Variants in ROR2 observed in about 807,000 individuals in gnomAD.
ROR2 encodes the protein ROR family WNT receptor 2, also known as tyrosine-protein kinase transmembrane receptor ROR2.
In ROR2, 33 loss-of-function variants were observed where a neutral mutation model predicts 74.9. The ratio of observed to expected loss-of-function variants is 0.44; its 90% confidence interval spans 0.33 to 0.59. The LOEUF is 0.59. ROR2 is among the 20% of genes least tolerant of loss of function. The pLI, the probability that ROR2 is intolerant of heterozygous loss-of-function variation, is 0.02. For synonymous variants in ROR2, 586 were observed against 558.7 expected, an observed-to-expected ratio of 1.05 and a Z score of -0.69; for missense variants, 1,216 against 1,313.8, an observed-to-expected ratio of 0.93 and a Z score of 1.15.
intron 1 of ROR2, 60 bp downstream of exon 1, chr9:91,949,806 AG>A: frequency 9.3e-7 from 1 of 1,072,518 alleles, no homozygotes; most frequent in Non-Finnish European, 1.4e-6. Context: ...TGGCGGCGGA[AG>A]GGCTGGCCAA....
chr9:91,906,704 A>G (rs372501590), intron 1 of ROR2, among the ~76,000 whole-genome samples: 1 of 151,990 alleles, frequency 6.6e-6, no homozygotes, highest in South Asian at 2.1e-4. Context: ...TTTATTTTCT[A>G]TTAATCTTTT....
At chr9:91,939,835 C>A (rs2118040782) in intron 1 of ROR2, among the ~76,000 whole-genome samples, 1 of 152,300 alleles carries the variant, frequency 6.6e-6, no homozygotes, top group Admixed American at 6.5e-5. Context: ...ATGCCACAGG[C>A]TGTGCTGAAG....
rs1420760655 is a variant in ROR2, at chr9:91,724,161, A to G, written c.2333T>C (p.Val778Ala). 6.2e-6 allele frequency: 10 copies of G among 1,611,990 alleles called. No homozygotes were observed. The highest frequency in any genetic ancestry group is 8.5e-6 in the Non-Finnish European group (10 of 1,180,004). Residue 778 changes from valine (V) to alanine (A), a missense_variant, in exon 9 of 9, where the codon GTG (valine) becomes GCG (alanine). Val to Ala is a moderately conservative substitution (Grantham distance 64). Coordinates refer to ENST00000375708, the MANE Select transcript of ROR2 (RefSeq NM_004560.4). Reference protein sequence around the residue: ...TQTSSLSTSPVSNVSNARYVG... With the variant: ...TQTSSLSTSPASNVSNARYVG... ...GTAGCGGGCGTTGCTCACATTGCTC[A>G]CTGGGCTGGTGCTCAGGGAGCTGGT... is the stretch of plus-strand genomic sequence containing the variant.
rs1169766321 is a variant in ROR2 at position 91,732,469 on chromosome 9, C to A, written c.937+653G>T. ...CCCGGGCTCAGAACTGTCCCCCTCC[C>A]CCACGCTCATCCCTTAGGCCCCACG... On this transcript the variant is annotated intron_variant, in intron 6 of 8. Transcript: ENST00000375708. Among the ~76,000 whole-genome samples, 6 of 152,310 alleles carry A rather than the reference C, an allele frequency of 3.9e-5. No individual in the cohort carries two copies. In the East Asian group the frequency reaches 7.7e-4, roughly 20 times the overall value.
At chr9:91,870,015 C>T (rs181267940) in intron 1 of ROR2, among the ~76,000 whole-genome samples, 1 of 152,182 alleles carries the variant, frequency 6.6e-6, no homozygotes, top group African/African-American at 2.4e-5. Context: ...ATAGTTTTTA[C>T]ACTTTAAAAT....
chr9:91,899,547 G>A (rs1335549104), intron 1 of ROR2, among the ~76,000 whole-genome samples: 1 of 152,154 alleles, frequency 6.6e-6, no homozygotes, highest in African/African-American at 2.4e-5. Context: ...AAAAAGGTCT[G>A]CTTAAGAGCT....
chr9:91,772,780 A>G (rs1291525101), intron 2 of ROR2, among the ~76,000 whole-genome samples: 3 of 152,206 alleles, frequency 2.0e-5, no homozygotes. Flanking sequence ...GTGGGTTAAC[A>G]ACAACAACAA....
intron 1 of ROR2, among the ~76,000 whole-genome samples, chr9:91,872,838 C>G (rs778283081): frequency 5.9e-5 from 9 of 152,240 alleles, no homozygotes; most frequent in Non-Finnish European, 1.0e-4. Flanking sequence ...CCCTTACACA[C>G]TGGGGAAAAG....
chr9:91,931,804 A>G (rs1285183036), intron 1 of ROR2, among the ~76,000 whole-genome samples: 1 of 152,224 alleles, frequency 6.6e-6, no homozygotes, highest in African/African-American at 2.4e-5. Context: ...CAACATGAAC[A>G]CAACATAAAA....
intron 1 of ROR2, among the ~76,000 whole-genome samples, chr9:91,796,496 G>A (rs1355681664): frequency 1.3e-5 from 2 of 151,676 alleles, no homozygotes; most frequent in East Asian, 1.9e-4. Context: ...AATTCTCATG[G>A]CACATCTTCA....
chr9:91,731,017 C>G lies in ROR2; in HGVS notation c.1076G>C (p.Gly359Ala). Residue 359 changes from glycine (G) to alanine (A), a missense_variant, in exon 7 of 9, where the codon GGA becomes GCA. By Grantham distance (60) the Gly-to-Ala change is moderately conservative (BLOSUM62 0). Transcript: ENST00000375708. ...HLSSTDFPEL[G>A]GGHAYCRNPG... ...GTTCCGGCAGTAGGCGTGCCCCCCT[C>G]CAAGCTCAGGGAAGTCTGTGCTGGA... is the stretch of plus-strand genomic sequence containing the variant. 6.2e-7 allele frequency: 1 copy of G among 1,614,090 alleles called. No homozygotes were observed. The highest frequency in any genetic ancestry group is 2.2e-5 in the East Asian group (1 of 44,894).
In ROR2 at chr9:91,731,113, G is replaced by A. The variant is rs758358702; in HGVS notation, c.980C>T (p.Thr327Met). The change falls in exon 7 of 9, where the codon ACG (threonine) becomes ATG (methionine). Residue 327 changes from threonine (T) to methionine (M), a missense_variant. Physicochemically the swap from Thr to Met is moderately conservative, Grantham distance 81. Transcript: ENST00000375708. Reference sequence around the variant, plus strand: ...GTGGCCTGACTTGGTGGTGCTTGCCGTTCCTCTGTAATCCATGCCTGAGCC... The same window carrying A: ...GTGGCCTGACTTGGTGGTGCTTGCCATTCCTCTGTAATCCATGCCTGAGCC... ...YNGSGMDYRG[T>M]ASTTKSGHQC... 1.7e-5 allele frequency: 28 copies of A among 1,613,996 alleles called. No individual in the cohort carries two copies. The highest frequency in any genetic ancestry group is 2.2e-5 in the East Asian group (1 of 44,884).
Position 91,723,988 on chromosome 9 carries a change from T to G in ROR2, c.2506A>C (p.Asn836His), listed in dbSNP as rs1836897157. 1 of 1,612,946 alleles carries G rather than the reference T, an allele frequency of 6.2e-7. No homozygotes were observed. The highest frequency in any genetic ancestry group is 1.7e-5 in the Admixed American group (1 of 60,014). The change falls in exon 9 of 9, where the codon AAC becomes CAC. Residue 836 changes from asparagine (N) to histidine (H), a missense_variant. Physicochemically the swap from Asn to His is moderately conservative, Grantham distance 68. Transcript: ENST00000375708. ...ATTGGGATCTGCACCGGGTAGAAGT[T>G]GGGCAGGTAGGCCCCATAGGCCGGC... is the stretch of plus-strand genomic sequence containing the variant. ...PVPAYGAYLP[N>H]FYPVQIPMQM...
chr9:91,741,304 G>GTAA (rs149995684), intron 4 of ROR2, among the ~76,000 whole-genome samples: 14,842 of 135,334 alleles, frequency 0.11, 876 homozygotes, highest in East Asian at 0.2. Flanking sequence ...GTCTCAAGTA[G>GTAA]TAATAATAAT....
At chr9:91,746,680 A>G (rs1825430269) in intron 4 of ROR2, among the ~76,000 whole-genome samples, 1 of 152,138 alleles carries the variant, frequency 6.6e-6, no homozygotes, top group Admixed American at 6.5e-5. Flanking sequence ...AGACTTGAAA[A>G]CAAGGAGTCC....
At chr9:91,760,597 G>A (rs1249940279) in intron 2 of ROR2, among the ~76,000 whole-genome samples, 1 of 150,024 alleles carries the variant, frequency 6.7e-6, no homozygotes, top group African/African-American at 2.5e-5. Flanking sequence ...TCGCGCCACT[G>A]CACTCCGGCC....
chr9:91,845,877 C>CAA (rs5899143), intron 1 of ROR2, among the ~76,000 whole-genome samples: 1,117 of 33,840 alleles, frequency 0.033, 164 homozygotes, highest in Non-Finnish European at 0.049. Context: ...GAATCCATCT[C>CAA]AAAAAAAAAA....
Position 91,762,587 on chromosome 9 carries a change from T to C in ROR2, c.176-5028A>G, listed in dbSNP as rs1008589644. ...ACATTAATTTTCCCATATTTCACTT[T>C]GAACACTTAAAAAAAATTCTAGAAT... On this transcript the variant is annotated intron_variant, in intron 2 of 8. Transcript: ENST00000375708. 2.6e-4 allele frequency among the ~76,000 whole-genome samples: 40 copies of C among 152,222 alleles called. 1 individual carries two copies. The highest frequency in any genetic ancestry group is 2.0e-4 in the Admixed American group (3 of 15,286).
At chr9:91,939,514 C>T (rs1409783352) in intron 1 of ROR2, among the ~76,000 whole-genome samples, 1 of 152,046 alleles carries the variant, frequency 6.6e-6, no homozygotes, top group Non-Finnish European at 1.5e-5. Flanking sequence ...CCTGACTGTA[C>T]CTTTTGTCCC....
Sources: gnomAD v4.1 joint callset for allele counts (sites outside exome capture counted in the v4.1 genomes callset) on GRCh38, gnomAD v4.1.1 for gene constraint, MANE v1.5 for transcripts, NCBI Gene and HGNC (gene_info 2026-07-23, HGNC 2026-07-21) for gene names.